Variants in SMARCA2 observed in about 807,000 individuals in gnomAD.
The protein encoded by SMARCA2 is SWI/SNF-related matrix-associated actin-dependent regulator of chromatin subfamily A member 2.
A neutral mutation model predicts 199.8 loss-of-function variants in SMARCA2; 61 were observed. The ratio of observed to expected loss-of-function variants is 0.31; its 90% CI spans 0.25 to 0.38. The LOEUF (loss-of-function observed/expected upper bound fraction) is 0.38, where lower values mean the gene tolerates loss of function less well. SMARCA2 is among the 10% of genes least tolerant of loss of function. SMARCA2 has a pLI of 1.00. For missense variants in SMARCA2, 1,344 were observed against 2,012.2 expected, an observed-to-expected ratio of 0.67 and a Z score of 6.35; for synonymous variants, 935 against 732.0, an observed-to-expected ratio of 1.28 and a Z score of -4.48.
In SMARCA2 at chr9:2,096,712, A is replaced by G. The variant is rs2130525863; in HGVS notation, c.2939A>G (p.His980Arg). The change falls in exon 20 of 34, where the codon CAT becomes CGT. Residue 980 changes from histidine (H) to arginine (R), a missense_variant. Physicochemically the swap from His to Arg is conservative, Grantham distance 29. Around this residue, in one of 18 missense-constraint regions of SMARCA2, gnomAD observed 98 missense variants for 245.6 expected, o/e 0.40. Coordinates refer to ENST00000349721, the MANE Select transcript of SMARCA2 (RefSeq NM_003070.5). ...GCTCTGCAGAAGATTCTGTATCGCC[A>G]TATGCAAGCCAAGGGGATCCTTCTC... Reference protein sequence around the residue: ...MSALQKILYRHMQAKGILLTD... With the variant: ...MSALQKILYRRMQAKGILLTD... 6.2e-7 allele frequency: 1 copy of G among 1,614,022 alleles called. No individual in the cohort carries two copies. Among genetic ancestry groups the G allele is most frequent in the Non-Finnish European group, 8.5e-7 (1 of 1,179,850 alleles).
chr9:2,043,514 G>A lies in SMARCA2; in HGVS notation c.790+3614G>A, dbSNP rs368737195. 5 of 152,324 alleles carry A rather than the reference G, an allele frequency of 3.3e-5. No homozygotes were observed. In the East Asian group the frequency reaches 5.8e-4, roughly 18 times the overall value. The allele number at this position is 152,324 out of a possible 1,614,324, so 9.4% of individuals were successfully genotyped here. ...TGAAAAAATTTGGGGTTTTTGAGGG[G>A]TGAGGGAGAGACCTTATGGTAGAAA... On this transcript the variant is annotated intron_variant, in intron 4 of 33. Coordinates refer to ENST00000349721, the MANE Select transcript of SMARCA2 (RefSeq NM_003070.5).
At position 2,028,981 on chromosome 9, in the gene SMARCA2, A is replaced by G. The variant is rs1002624898; in HGVS notation, c.-36-6A>G. 3.2e-6 allele frequency: 5 copies of G among 1,540,064 alleles called. No individual in the cohort carries two copies. The highest frequency in any genetic ancestry group is 2.4e-5 in the East Asian group (1 of 40,902). On this transcript the variant is annotated splice_region_variant and splice_polypyrimidine_tract_variant and intron_variant, in intron 1 of 33. Coordinates refer to ENST00000349721, the MANE Select transcript of SMARCA2 (RefSeq NM_003070.5). The stretch of plus-strand genomic sequence containing the variant: ...ATGCCTTCCTTTTTTCTGCTTTTCA[A>G]CTTAGCATTACTCTACTGACTGGCA...
Position 2,115,725 on chromosome 9 carries a change from T to C in SMARCA2, c.3457-97T>C. The C allele has an allele frequency of 1.1e-6, 1 of 919,064 alleles. No individual in the cohort carries two copies. Among genetic ancestry groups the C allele is most frequent in the East Asian group, 2.7e-5 (1 of 37,710 alleles). 56.9% of individuals were successfully genotyped at this position (919,064 alleles called of 1,614,324 possible). A position where few individuals can be genotyped will look rare whatever the true frequency, so the allele number is the denominator to read the frequency against. ...AAATCTTACCTTAGTGAAGGTGAAATACAGAACCCTTCCATATTTCCCTCT... is the reference window on the plus strand; with the variant it reads ...AAATCTTACCTTAGTGAAGGTGAAACACAGAACCCTTCCATATTTCCCTCT... On this transcript the variant is annotated intron_variant, in intron 24 of 33. Transcript: ENST00000349721. This position sits in a 1 kb window ranked among gnomAD's most constrained non-coding sequence, Gnocchi z 6.0.
At chr9:2,101,098 T>A (rs570978771) in intron 21 of SMARCA2, among the ~76,000 whole-genome samples, 1 of 152,246 alleles carries the variant, frequency 6.6e-6, no homozygotes, top group Non-Finnish European at 1.5e-5. Context: ...CCACAACACA[T>A]GGGAATTATA....
rs751237964 is a variant in SMARCA2 at position 2,084,142 on chromosome 9, T to C, written c.2472T>C (p.Asn824=). 8 of 1,612,632 alleles carry C rather than the reference T, an allele frequency of 5.0e-6. No individual in the cohort carries two copies. The East Asian group carries it at 6.7e-5, about 13-fold the overall frequency. Residue 824 remains asparagine (N), a synonymous_variant, in exon 17 of 34, where the codon AAT becomes AAC. Transcript: ENST00000349721. ...LVPQLRSGKF[N]VLLTTYEYII... Reference sequence around the variant, plus strand: ...CCCAGCTACGGAGTGGCAAATTCAATGTCCTCTTGACTACTTATGAGTATA... The same window carrying C: ...CCCAGCTACGGAGTGGCAAATTCAACGTCCTCTTGACTACTTATGAGTATA...
At chr9:2,174,472 C>T (rs557912628) in intron 29 of SMARCA2, among the ~76,000 whole-genome samples, 35 of 152,302 alleles carry the variant, frequency 2.3e-4, no homozygotes, top group South Asian at 8.3e-4. Context: ...AAAAGCAGCA[C>T]TCCGGTGCCT....
At position 2,161,626 on chromosome 9, in the gene SMARCA2, C is replaced by A. The variant is rs1164029349; in HGVS notation, c.3982-60C>A. 4.3e-6 allele frequency: 5 copies of A among 1,173,418 alleles called. No homozygotes were observed. In the African/African-American group the frequency reaches 6.2e-5, roughly 14 times the overall value. The allele number at this position is 1,173,418 out of a possible 1,614,324, so 72.7% of individuals were successfully genotyped here. A position where few individuals can be genotyped will look rare whatever the true frequency, so the allele number is the denominator to read the frequency against. ...GGAGCTATATATAAATATACACATA[C>A]TTTTTTTGTCTTGGTTATTCTCTTG... On this transcript the variant is annotated intron_variant, in intron 27 of 33. Transcript: ENST00000349721. This position sits in a 1 kb window ranked among gnomAD's most constrained non-coding sequence, Gnocchi z 4.7.
chr9:2,033,686 C>G (rs886348562), intron 3 of SMARCA2, among the ~76,000 whole-genome samples: 3 of 152,216 alleles, frequency 2.0e-5, no homozygotes, highest in Non-Finnish European at 4.4e-5. Context: ...AGTCTGAAAT[C>G]AAAGCATCAG....
chr9:2,044,549 G>A (rs913328003), intron 4 of SMARCA2: 7 of 152,180 alleles, frequency 4.6e-5, no homozygotes, highest in Admixed American at 3.9e-4. Flanking sequence ...AACGACAAAA[G>A]CCGAGGGTTG....
intron 29 of SMARCA2, among the ~76,000 whole-genome samples, chr9:2,178,209 G>C (rs533037643): frequency 1.1e-4 from 17 of 152,174 alleles, no homozygotes; most frequent in African/African-American, 2.9e-4. Context: ...AGAGGTTCTT[G>C]TCCACCAACA....
At chr9:2,054,016 T>C (rs1349112638) in intron 5 of SMARCA2, among the ~76,000 whole-genome samples, 1 of 152,214 alleles carries the variant, frequency 6.6e-6, no homozygotes, top group Non-Finnish European at 1.5e-5. Flanking sequence ...TCAAGCAAGC[T>C]CTGCTCACAG....
chr9:2,082,626 C>T (rs961745580), intron 15 of SMARCA2, among the ~76,000 whole-genome samples: 2 of 152,114 alleles, frequency 1.3e-5, no homozygotes, highest in African/African-American at 4.8e-5. Context: ...TCACAAGCAC[C>T]CTCCTGGGAG....
intron 28 of SMARCA2, among the ~76,000 whole-genome samples, chr9:2,168,679 G>A (rs552560037): frequency 1.2e-4 from 19 of 152,220 alleles, no homozygotes; most frequent in East Asian, 3.9e-4. Flanking sequence ...ATAAGTTTTC[G>A]TAACAAACAT....
chr9:2,188,427 C>G (rs770485455), intron 32 of SMARCA2, among the ~76,000 whole-genome samples: 6 of 152,140 alleles, frequency 3.9e-5, no homozygotes, highest in Non-Finnish European at 7.3e-5. Flanking sequence ...TATCTATATT[C>G]TAGTTAGTGA....
At position 2,056,600 on chromosome 9, in the gene SMARCA2, C is replaced by A; in HGVS notation, c.1174-72C>A. ...CCCCACTCTATTCCATTAAATGCAA[C>A]CGCGAGAAGGCCAGAGTTCAGGAAC... is the stretch of plus-strand genomic sequence containing the variant. On this transcript the variant is annotated intron_variant, in intron 6 of 33. Coordinates refer to ENST00000349721, the MANE Select transcript of SMARCA2 (RefSeq NM_003070.5). This position sits in a 1 kb window ranked among gnomAD's most constrained non-coding sequence, Gnocchi z 4.0. 7.1e-7 allele frequency: 1 copy of A among 1,400,744 alleles called. No homozygotes were observed. Among genetic ancestry groups the A allele is most frequent in the Non-Finnish European group, 9.7e-7 (1 of 1,034,150 alleles). The allele number at this position is 1,400,744 out of a possible 1,614,324, so 86.8% of individuals were successfully genotyped here.
chr9:2,114,846 G>C (rs901307337), intron 24 of SMARCA2, among the ~76,000 whole-genome samples: 2 of 152,096 alleles, frequency 1.3e-5, no homozygotes, highest in African/African-American at 4.8e-5. Flanking sequence ...TGGCATGTTG[G>C]TGTTTGTCCT....
intron 13 of SMARCA2, among the ~76,000 whole-genome samples, chr9:2,077,283 C>T (rs1030849925): frequency 6.6e-6 from 1 of 152,186 alleles, no homozygotes; most frequent in African/African-American, 2.4e-5. Flanking sequence ...GCAAAGTATT[C>T]ATCTGCAGGT....
Position 2,047,332 on chromosome 9 carries a change from C to A in SMARCA2, c.894C>A (p.Pro298=). The A allele has an allele frequency of 8.7e-7, 1 of 1,147,676 alleles. No homozygotes were observed. Among genetic ancestry groups the A allele is most frequent in the Non-Finnish European group, 1.1e-6 (1 of 922,860 alleles). The allele number at this position is 1,147,676 out of a possible 1,614,324, so 71.1% of individuals were successfully genotyped here. ...SPAPPAAAQP[P]AAAVPGPSVP... ...CGCCCCCCGCAGCCGCGCAGCCGCC[C>A]GCGGCCGCAGTGCCCGGGCCCTCAG... The change falls in exon 5 of 34, where the codon CCC becomes CCA. Residue 298 remains proline (P), a synonymous_variant. Transcript: ENST00000349721.
intron 28 of SMARCA2, among the ~76,000 whole-genome samples, chr9:2,164,649 T>C (rs1232260540): frequency 6.6e-6 from 1 of 152,238 alleles, no homozygotes; most frequent in Admixed American, 6.5e-5. Context: ...TTTCCATGGT[T>C]TTATTTCTAG....
Sources: allele counts gnomAD v4.1 joint callset (sites outside exome capture counted in the v4.1 genomes callset), GRCh38; gene constraint gnomAD v4.1.1; regional missense constraint gnomAD v4.1.1; non-coding constraint Gnocchi (gnomAD v3.1); transcripts MANE v1.5; gene names NCBI Gene and HGNC (gene_info 2026-07-23, HGNC 2026-07-21).